Variants in PPARD observed in about 807,000 individuals in gnomAD.
PPARD encodes the protein peroxisome proliferator activated receptor delta, also known as peroxisome proliferator-activated receptor delta.
PPARD carries 6 observed loss-of-function variants against 39.5 expected under a neutral mutation model. That is an observed-to-expected ratio of 0.15 (90% CI 0.08 to 0.30). The LOEUF is 0.30. PPARD is among the 10% of genes least tolerant of loss of function. PPARD has a pLI of 1.00. For synonymous variants in PPARD, 210 were observed against 231.3 expected (o/e 0.91, Z 0.83); for missense variants, 397 against 596.8 (o/e 0.67, Z 3.49).
At position 35,366,373 on chromosome 6, in the gene PPARD, A is replaced by G. The variant is rs1399723656; in HGVS notation, c.-102+19223A>G. Among the ~76,000 whole-genome samples the G allele has an allele frequency of 6.6e-6, 1 of 151,666 alleles. No homozygotes were observed. The highest frequency in any genetic ancestry group is 1.5e-5 in the Non-Finnish European group (1 of 68,042). ...GGTTGTCAGAGATTGATCTGAGAAC[A>G]GTGTGAGCCATGGAAGGTCTTTGAG... On this transcript the variant is annotated intron_variant, in intron 2 of 7. Coordinates refer to ENST00000360694, the MANE Select transcript of PPARD (RefSeq NM_006238.5). This position sits in a 1 kb window ranked among gnomAD's most constrained non-coding sequence, Gnocchi z 4.6.
intron 2 of PPARD, among the ~76,000 whole-genome samples, chr6:35,386,168 C>G (rs77554427): frequency 0.043 from 6,540 of 152,144 alleles, 370 homozygotes; most frequent in East Asian, 0.3. Flanking sequence ...TCCAAGAGAA[C>G]TGTTTCAAAA....
Position 35,425,860 on chromosome 6 carries a change from G to A in PPARD, c.1107G>A (p.Arg369=). Residue 369 remains arginine, a synonymous_variant, in exon 8 of 8, where the codon CGG becomes CGA. Transcript: ENST00000360694. This position sits in a 1 kb window ranked among gnomAD's most constrained non-coding sequence, Gnocchi z 4.5. ...GGCCAGGCCTCATGAACGTTCCACG[G>A]GTGGAGGCTATCCAGGACACCATCC... The part of the protein sequence containing the change: ...GDRPGLMNVP[R]VEAIQDTILR... 1 of 1,614,060 alleles carries A rather than the reference G, an allele frequency of 6.2e-7. No individual in the cohort carries two copies. The highest frequency in any genetic ancestry group is 8.5e-7 in the Non-Finnish European group (1 of 1,180,002).
At position 35,425,980 on chromosome 6, in the gene PPARD, G is replaced by C. The variant is rs1312232826; in HGVS notation, c.1227G>C (p.Leu409=). The change falls in exon 8 of 8, where the codon CTG becomes CTC. Residue 409 remains leucine, a synonymous_variant. Transcript: ENST00000360694. This position sits in a 1 kb window ranked among gnomAD's most constrained non-coding sequence, Gnocchi z 4.5. The part of the protein sequence containing the change: ...LLQKMADLRQ[L]VTEHAQMMQR... ...AGAAGATGGCTGACCTGCGGCAACTGGTCACCGAGCACGCCCAGATGATGC... is the reference window on the plus strand; with the variant it reads ...AGAAGATGGCTGACCTGCGGCAACTCGTCACCGAGCACGCCCAGATGATGC... 1.2e-6 allele frequency: 2 copies of C among 1,614,022 alleles called. No individual in the cohort carries two copies. Among genetic ancestry groups the C allele is most frequent in the Non-Finnish European group, 1.7e-6 (2 of 1,180,038 alleles).
At position 35,425,293 on chromosome 6, in the gene PPARD, A is replaced by G; in HGVS notation, c.1078+514A>G. 9.9e-7 allele frequency: 1 copy of G among 1,005,458 alleles called. No homozygotes were observed. The highest frequency in any genetic ancestry group is 5.2e-5 in the Admixed American group (1 of 19,074). 62.3% of individuals were successfully genotyped at this position (1,005,458 alleles called of 1,614,324 possible). On this transcript the variant is annotated intron_variant, in intron 7 of 7. Transcript: ENST00000360694. This position sits in a 1 kb window ranked among gnomAD's most constrained non-coding sequence, Gnocchi z 4.5. ...TGTCTCAAAAAAAAGGAAAAGGACT[A>G]ACAGGCAGTATGCTGTCATGTTAAT...
chr6:35,414,262 T>C (rs1189353752), intron 3 of PPARD, among the ~76,000 whole-genome samples: 1 of 152,140 alleles, frequency 6.6e-6, no homozygotes, highest in Non-Finnish European at 1.5e-5. Context: ...ATCCTTATGT[T>C]TCATAGAAGG....
rs1207725966 is a variant in PPARD, at chr6:35,366,937, G to C, written c.-102+19787G>C. On this transcript the variant is annotated intron_variant, in intron 2 of 7. Coordinates refer to ENST00000360694, the MANE Select transcript of PPARD (RefSeq NM_006238.5). The surrounding 1 kb of genome is among the most constrained non-coding windows in gnomAD (Gnocchi z 4.6). ...CTGATTAATATGCATATGGTCTTGC[G>C]TATGGCCAGACTTATGACTTGCGTA... 6.6e-6 allele frequency among the ~76,000 whole-genome samples: 1 copy of C among 152,174 alleles called. No individual in the cohort carries two copies. Among genetic ancestry groups the C allele is most frequent in the Non-Finnish European group, 1.5e-5 (1 of 68,036 alleles).
chr6:35,380,472 GTTTGTTTTTTTTTTTTTTTTT>G (rs1763084765), intron 2 of PPARD, among the ~76,000 whole-genome samples: 3 of 31,334 alleles, frequency 9.6e-5, no homozygotes, highest in African/African-American at 2.1e-4. Flanking sequence ...TTTTTTTTTT[GTTTGTTTTTTTTTTTTTTTTT>G]TTTTTTTTTT....
At position 35,411,072 on chromosome 6, in the gene PPARD, C is replaced by T. The variant is rs532299968; in HGVS notation, c.-16C>T. 31 of 1,502,210 alleles carry T rather than the reference C, an allele frequency of 2.1e-5. No homozygotes were observed. The East Asian group carries it at 2.5e-4, about 12-fold the overall frequency. The allele number at this position is 1,502,210 out of a possible 1,614,324, so 93.1% of individuals were successfully genotyped here. On this transcript the variant is annotated 5_prime_UTR_variant, in exon 3 of 8. Coordinates refer to ENST00000360694, the MANE Select transcript of PPARD (RefSeq NM_006238.5). ...ATGACTGGGCCTGCAGGTGTGGCGC[C>T]GAGGGGAGATCAGCCATGGAGCAGC...
chr6:35,414,864 G>A (rs1043363215), intron 3 of PPARD, among the ~76,000 whole-genome samples: 11 of 152,066 alleles, frequency 7.2e-5, no homozygotes, highest in Admixed American at 7.2e-4. Flanking sequence ...CTGACTCTCA[G>A]TGCAGATATT....
rs1289157247 is a variant in PPARD at position 35,424,772 on chromosome 6, G to A, written c.1071G>A (p.Leu357=). The A allele has an allele frequency of 1.9e-6, 3 of 1,613,140 alleles. No individual in the cohort carries two copies. The highest frequency in any genetic ancestry group is 2.7e-5 in the African/African-American group (2 of 74,934). The change falls in exon 7 of 8, where the codon CTG becomes CTA. Residue 357 remains leucine, a synonymous_variant. Coordinates refer to ENST00000360694, the MANE Select transcript of PPARD (RefSeq NM_006238.5). The surrounding 1 kb of genome is among the most constrained non-coding windows in gnomAD (Gnocchi z 7.1). ...DLALFIAAII[L]CGDRPGLMNV... ...CCCTATTCATTGCGGCCATCATTCT[G>A]TGTGGAGGTGAGTGAGAGTGGGGCA...
Position 35,393,965 on chromosome 6 carries a change from C to T in PPARD, c.-101-17022C>T, listed in dbSNP as rs185017525. Among the ~76,000 whole-genome samples, 166 of 152,324 alleles carry T rather than the reference C, an allele frequency of 1.1e-3. 5 individuals are homozygous for T. Among genetic ancestry groups the T allele is most frequent in the Middle Eastern group, 6.8e-3 (2 of 294 alleles). Reference sequence around the variant, plus strand: ...CTGGTGTCAGTATGTGCCTGCAGCTCCTGGGCTGCCTTTACTCGAGTGAGA... The same window carrying T: ...CTGGTGTCAGTATGTGCCTGCAGCTTCTGGGCTGCCTTTACTCGAGTGAGA... On this transcript the variant is annotated intron_variant, in intron 2 of 7. Transcript: ENST00000360694.
chr6:35,383,597 C>T (rs1397579404), intron 2 of PPARD, among the ~76,000 whole-genome samples: 2 of 132,804 alleles, frequency 1.5e-5, no homozygotes, highest in African/African-American at 4.0e-5. Flanking sequence ...GCGCCTCTTT[C>T]CGGCCGCCAT....
At chr6:35,396,801 A>G (rs938487585) in intron 2 of PPARD, among the ~76,000 whole-genome samples, 4 of 151,906 alleles carry the variant, frequency 2.6e-5, no homozygotes, top group Non-Finnish European at 4.4e-5. Flanking sequence ...CTGCACTCCA[A>G]CCTGGGCAAC....
At position 35,413,761 on chromosome 6, in the gene PPARD, G is replaced by A. The variant is rs1388743478; in HGVS notation, c.130+2544G>A. On this transcript the variant is annotated intron_variant, in intron 3 of 7. Coordinates refer to ENST00000360694, the MANE Select transcript of PPARD (RefSeq NM_006238.5). ...CAGTGGCACACGATCTCAACTCACTGAAACCTCTGCCTCCCGGGCTCAAGC... is the reference window on the plus strand; with the variant it reads ...CAGTGGCACACGATCTCAACTCACTAAAACCTCTGCCTCCCGGGCTCAAGC... 2.0e-5 allele frequency among the ~76,000 whole-genome samples: 3 copies of A among 151,214 alleles called. No homozygotes were observed. The East Asian group carries it at 5.9e-4, about 30-fold the overall frequency.
intron 2 of PPARD, chr6:35,348,279 A>G (rs1328442613): frequency 2.2e-6 from 2 of 896,424 alleles, no homozygotes; most frequent in East Asian, 1.2e-4. Context: ...AAACAGATCC[A>G]ATCTCTGCCT....
intron 2 of PPARD, among the ~76,000 whole-genome samples, chr6:35,407,225 C>T (rs536319377): frequency 1.0e-3 from 155 of 152,328 alleles, no homozygotes; most frequent in Non-Finnish European, 1.9e-3. Context: ...CACATCTTCA[C>T]GTCCTCCTCT....
chr6:35,387,126 C>T (rs546922026), intron 2 of PPARD, among the ~76,000 whole-genome samples: 1 of 152,218 alleles, frequency 6.6e-6, no homozygotes, highest in South Asian at 2.1e-4. Flanking sequence ...GCTCTGAGCT[C>T]TCAGGTTTTG....
At chr6:35,417,587 C>T (rs868362356) in intron 3 of PPARD, among the ~76,000 whole-genome samples, 3 of 151,078 alleles carry the variant, frequency 2.0e-5, no homozygotes, top group Admixed American at 6.6e-5. Context: ...TGCAATGGCG[C>T]GATCTCAGCT....
At chr6:35,359,301 C>A (rs563575620) in intron 2 of PPARD, among the ~76,000 whole-genome samples, 1 of 152,172 alleles carries the variant, frequency 6.6e-6, no homozygotes, top group Admixed American at 6.6e-5. Context: ...CACCACCTCA[C>A]GAGTTTTAGG....
Sources: gnomAD v4.1 joint callset for allele counts (sites outside exome capture counted in the v4.1 genomes callset) on GRCh38, gnomAD v4.1.1 for gene constraint, Gnocchi (gnomAD v3.1) non-coding constraint, MANE v1.5 for transcripts, NCBI Gene and HGNC (gene_info 2026-07-23, HGNC 2026-07-21) for gene names.